Variants in GRIA1 observed in about 807,000 individuals in gnomAD.
The protein encoded by GRIA1 is glutamate ionotropic receptor AMPA type subunit 1.
Under a neutral mutation model 99.2 loss-of-function variants are expected in GRIA1, and 31 were observed. The ratio of observed to expected loss-of-function variants is 0.31; its 90% CI spans 0.23 to 0.42. GRIA1 has a LOEUF of 0.42. GRIA1 is among the 10% of genes least tolerant of loss of function. The probability of loss-of-function intolerance (pLI) is 1.00; values close to 1 mark genes in which losing one functional copy is unlikely to be tolerated. For synonymous variants in GRIA1, 438 were observed against 432.4 expected, an observed-to-expected ratio of 1.01 and a Z score of -0.16; for missense variants, 782 against 1,157.5, an observed-to-expected ratio of 0.68 and a Z score of 4.71.
chr5:153,723,601 T>G (rs1258252613), intron 11 of GRIA1, among the ~76,000 whole-genome samples: 1 of 152,190 alleles, frequency 6.6e-6, no homozygotes, highest in Non-Finnish European at 1.5e-5. Context: ...ATCCCCCACC[T>G]GGCTCGGAGG....
Position 153,728,991 on chromosome 5 carries a change from C to G in GRIA1, c.1823+22924C>G, listed in dbSNP as rs938187414. Among the ~76,000 whole-genome samples, 53 of 134,838 alleles carry G rather than the reference C, an allele frequency of 3.9e-4. 1 individual carries two copies. The highest frequency in any genetic ancestry group is 1.6e-4 in the Non-Finnish European group (10 of 64,376). The allele number at this position is 134,838 out of a possible 152,430, so 88.5% of individuals were successfully genotyped here. A position where few individuals can be genotyped will look rare whatever the true frequency, so the allele number is the denominator to read the frequency against. On this transcript the variant is annotated intron_variant, in intron 11 of 15. Transcript: ENST00000285900. ...AAAGACTTGGAACCAACCCAAATGT[C>G]CAACAGTGATAGACTGGATTAAGAA...
intron 2 of GRIA1, among the ~76,000 whole-genome samples, chr5:153,581,707 T>C (rs1763058089): frequency 6.6e-6 from 1 of 151,982 alleles, no homozygotes; most frequent in Non-Finnish European, 1.5e-5. Flanking sequence ...TATCGATTTG[T>C]TTACCTATTA....
intron 5 of GRIA1, among the ~76,000 whole-genome samples, chr5:153,663,011 T>G (rs1369532360): frequency 6.6e-6 from 1 of 152,182 alleles, no homozygotes; most frequent in Non-Finnish European, 1.5e-5. Flanking sequence ...TCTCCAGAGC[T>G]GACACTGCCC....
intron 13 of GRIA1, among the ~76,000 whole-genome samples, chr5:153,790,249 C>G (rs1765215133): frequency 6.6e-6 from 1 of 152,216 alleles, no homozygotes; most frequent in African/African-American, 2.4e-5. Flanking sequence ...TCTCTGAAGA[C>G]ATTTTAGTCT....
intron 12 of GRIA1, among the ~76,000 whole-genome samples, chr5:153,765,639 C>T (rs999556118): frequency 1.3e-5 from 2 of 152,122 alleles, no homozygotes; most frequent in African/African-American, 4.8e-5. Flanking sequence ...GCAGGAAAAC[C>T]TGTGGTTTCC....
At chr5:153,656,383 T>TTATATATATA (rs60245651) in intron 5 of GRIA1, among the ~76,000 whole-genome samples, 3,515 of 91,568 alleles carry the variant, frequency 0.038, 99 homozygotes, top group African/African-American at 0.089. Context: ...ATAAGTTTGT[T>TTATATATATA]TATATATATA....
intron 3 of GRIA1, 76 bp from the exon 4 acceptor site, chr5:153,650,254 A>G (rs1754456909): frequency 7.8e-7 from 1 of 1,283,648 alleles, no homozygotes; most frequent in African/African-American, 1.5e-5. Flanking sequence ...CAGGGGAGGT[A>G]GGTGCCTGAT....
At chr5:153,531,988 CTAGGGAAACTTAATGATTGGAGTCCA>C (rs1293430812) in intron 2 of GRIA1, among the ~76,000 whole-genome samples, 1 of 151,830 alleles carries the variant, frequency 6.6e-6, no homozygotes, top group Non-Finnish European at 1.5e-5. Context: ...AAAACCCTCT[CTAGGGAAACTTAATGATTGGAGTCCA>C]TATTTTGACT....
chr5:153,752,703 G>T (rs921730508), intron 11 of GRIA1, among the ~76,000 whole-genome samples: 3 of 152,204 alleles, frequency 2.0e-5, no homozygotes, highest in African/African-American at 7.2e-5. Flanking sequence ...TGCTTGCAAA[G>T]TAAATGAATA....
At chr5:153,657,697 GA>G (rs1755054882) in intron 5 of GRIA1, among the ~76,000 whole-genome samples, 2 of 152,174 alleles carry the variant, frequency 1.3e-5, no homozygotes, top group Non-Finnish European at 2.9e-5. Flanking sequence ...GCCTTAGATA[GA>G]TCCCTGCCTT....
At position 153,770,135 on chromosome 5, in the gene GRIA1, A is replaced by G; in HGVS notation, c.2023-33A>G. ...GTGCACCGACCCCAATTCCAAGCGC[A>G]CTTAATTCCAGCTTTGTTTCTGTCC... On this transcript the variant is annotated intron_variant, in intron 12 of 15. Transcript: ENST00000285900. 2.5e-6 allele frequency: 4 copies of G among 1,609,630 alleles called. No homozygotes were observed. In the South Asian group the frequency reaches 3.3e-5, roughly 13 times the overall value.
chr5:153,720,168 T>A (rs956081953), intron 11 of GRIA1, among the ~76,000 whole-genome samples: 1 of 152,208 alleles, frequency 6.6e-6, no homozygotes, highest in Non-Finnish European at 1.5e-5. Flanking sequence ...GTTGAAGAAG[T>A]TCACATAGCC....
At chr5:153,635,228 A>G (rs1247300583) in intron 2 of GRIA1, among the ~76,000 whole-genome samples, 2 of 152,232 alleles carry the variant, frequency 1.3e-5, no homozygotes, top group African/African-American at 4.8e-5. Flanking sequence ...ACAGAAATTA[A>G]GACAGCCAAA....
At chr5:153,627,412 T>A (rs182528491) in intron 2 of GRIA1, among the ~76,000 whole-genome samples, 13 of 152,296 alleles carry the variant, frequency 8.5e-5, no homozygotes, top group Non-Finnish European at 1.6e-4. Flanking sequence ...ACCACTCAGG[T>A]GTCTAGCCCA....
chr5:153,565,520 T>C (rs11739617), intron 2 of GRIA1, among the ~76,000 whole-genome samples: 7,638 of 152,318 alleles, frequency 0.05, 266 homozygotes, highest in Non-Finnish European at 0.076. Flanking sequence ...TTCACAGATA[T>C]ATACATTCAT....
chr5:153,620,901 T>C (rs2149422217), intron 2 of GRIA1, among the ~76,000 whole-genome samples: 1 of 152,296 alleles, frequency 6.6e-6, no homozygotes, highest in East Asian at 1.9e-4. Flanking sequence ...TCACTTAAGT[T>C]CTTGAATCTC....
At chr5:153,491,197 C>T (rs753505123) in intron 1 of GRIA1, 4 of 1,209,928 alleles carry the variant, frequency 3.3e-6, no homozygotes, top group African/African-American at 1.5e-5. Context: ...ATACCCTACT[C>T]GCACTCCAGG....
chr5:153,609,258 T>C (rs960862532), intron 2 of GRIA1, among the ~76,000 whole-genome samples: 3 of 152,232 alleles, frequency 2.0e-5, no homozygotes, highest in African/African-American at 7.2e-5. Flanking sequence ...CCAGCCCTGC[T>C]ATTCTTTGCT....
chr5:153,588,555 T>A (rs897094455), intron 2 of GRIA1, among the ~76,000 whole-genome samples: 1 of 152,246 alleles, frequency 6.6e-6, no homozygotes, highest in South Asian at 2.1e-4. Flanking sequence ...AAATAGCTGA[T>A]GTAAATCTTG....
Sources: gnomAD v4.1 joint callset for allele counts (sites outside exome capture counted in the v4.1 genomes callset) on GRCh38, gnomAD v4.1.1 for gene constraint, MANE v1.5 for transcripts, NCBI Gene and HGNC (gene_info 2026-07-23, HGNC 2026-07-21) for gene names.